The following CTNNA2 variants were observed in gnomAD, a reference collection of about 807,000 sequenced individuals.
The protein encoded by CTNNA2 is catenin alpha 2, also known as catenin alpha-2.
A neutral mutation model predicts 101.0 loss-of-function variants in CTNNA2; 42 were observed. The ratio of observed to expected loss-of-function variants is 0.42; its 90% CI spans 0.32 to 0.54. The LOEUF is 0.54. CTNNA2 is among the 20% of genes least tolerant of loss of function. The pLI is 0.14. For synonymous variants in CTNNA2, 450 were observed against 456.4 expected, an observed-to-expected ratio of 0.99 and a Z score of 0.18; for missense variants, 871 against 1,223.1, an observed-to-expected ratio of 0.71 and a Z score of 4.29.
At chr2:79,394,403 T>C (rs1310489956) in intron 4 of CTNNA2, among the ~76,000 whole-genome samples, 1 of 152,194 alleles carries the variant, frequency 6.6e-6, no homozygotes, top group Non-Finnish European at 1.5e-5. Context: ...AAATCAAGCC[T>C]GTTTCACTAA....
At chr2:79,185,999 T>G (rs1453004115) in intron 1 of CTNNA2, among the ~76,000 whole-genome samples, 3 of 152,198 alleles carry the variant, frequency 2.0e-5, no homozygotes, top group African/African-American at 7.2e-5. Context: ...TAAAAGTGCC[T>G]GCCAGTTATG....
chr2:80,130,978 GAGA>G (rs1019481074), intron 7 of CTNNA2, among the ~76,000 whole-genome samples: 18 of 150,896 alleles, frequency 1.2e-4, no homozygotes, highest in South Asian at 8.4e-4. Context: ...AAAAAAAAAA[GAGA>G]AGAATTGATA....
chr2:80,036,842 TGTGTGTGAGAGAGA>T (rs1394299960), intron 7 of CTNNA2, among the ~76,000 whole-genome samples: 1,197 of 79,776 alleles, frequency 0.015, 15 homozygotes, highest in African/African-American at 0.044. Context: ...TGTGTGTGTG[TGTGTGTGAGAGAGA>T]GAGAGAGAGA....
intron 2 of CTNNA2, among the ~76,000 whole-genome samples, chr2:79,282,008 T>A (rs1242776506): frequency 6.6e-6 from 1 of 152,164 alleles, no homozygotes; most frequent in Non-Finnish European, 1.5e-5. Context: ...AATAAAAGTA[T>A]GAATAATAAC....
intron 12 of CTNNA2, among the ~76,000 whole-genome samples, chr2:80,558,622 T>C (rs762935742): frequency 2.0e-5 from 3 of 152,162 alleles, no homozygotes; most frequent in Non-Finnish European, 2.9e-5. Flanking sequence ...TTTTGCTTAG[T>C]TTTGTTTCTG....
At chr2:80,604,247 T>A in intron 16 of CTNNA2, 68 bp downstream of exon 16, 1 of 1,185,024 alleles carries the variant, frequency 8.4e-7, no homozygotes. Flanking sequence ...GTTTTGTAAC[T>A]AGTTTTATGC....
At chr2:80,603,817 A>C in intron 15 of CTNNA2, 1 of 412,758 alleles carries the variant, frequency 2.4e-6, no homozygotes, top group Non-Finnish European at 4.4e-6. Context: ...GATCTTTTAT[A>C]ACTGGCCATT....
At chr2:79,578,142 C>G (rs1463040470) in intron 1 of CTNNA2, among the ~76,000 whole-genome samples, 4 of 152,156 alleles carry the variant, frequency 2.6e-5, no homozygotes, top group Admixed American at 1.3e-4. Flanking sequence ...CAACATCTAA[C>G]TGGCTCTGTA....
chr2:80,611,771 T>G (rs1338454795), intron 17 of CTNNA2, among the ~76,000 whole-genome samples: 2 of 151,590 alleles, frequency 1.3e-5, no homozygotes, highest in African/African-American at 2.4e-5. Context: ...ATATCAAACA[T>G]TCTGATAAAC....
At chr2:79,867,321 G>T (rs116160764) in intron 4 of CTNNA2, among the ~76,000 whole-genome samples, 1 of 139,416 alleles carries the variant, frequency 7.2e-6, no homozygotes, top group Non-Finnish European at 1.5e-5. Flanking sequence ...CTTTTTCTAC[G>T]TCCCTTCAAT....
At chr2:79,314,985 C>G (rs540050298) in intron 3 of CTNNA2, among the ~76,000 whole-genome samples, 1 of 152,078 alleles carries the variant, frequency 6.6e-6, no homozygotes, top group Admixed American at 6.5e-5. Flanking sequence ...TGAATTAGGG[C>G]TTTTGCTTCT....
chr2:79,433,739 A>G (rs2104512194), intron 4 of CTNNA2, among the ~76,000 whole-genome samples: 1 of 152,268 alleles, frequency 6.6e-6, no homozygotes, highest in Admixed American at 6.5e-5. Flanking sequence ...AAACAAACAC[A>G]AAAATTTAGA....
intron 7 of CTNNA2, among the ~76,000 whole-genome samples, chr2:80,123,038 C>T (rs1701929710): frequency 6.6e-6 from 1 of 152,122 alleles, no homozygotes. Flanking sequence ...GGTGTGGGTC[C>T]CACCACCTCC....
At chr2:79,765,578 A>G (rs1242471676) in intron 3 of CTNNA2, among the ~76,000 whole-genome samples, 1 of 152,186 alleles carries the variant, frequency 6.6e-6, no homozygotes. Flanking sequence ...CTGCCCTTCC[A>G]GAAAGATCTA....
intron 3 of CTNNA2, among the ~76,000 whole-genome samples, chr2:79,801,319 G>C (rs916300944): frequency 2.0e-5 from 3 of 152,106 alleles, no homozygotes; most frequent in African/African-American, 7.2e-5. Context: ...CTTTTGCCAC[G>C]AGCTTTTGGA....
At chr2:79,398,417 C>T (rs1377890337) in intron 4 of CTNNA2, among the ~76,000 whole-genome samples, 1 of 152,040 alleles carries the variant, frequency 6.6e-6, no homozygotes, top group Admixed American at 6.6e-5. Flanking sequence ...GTAACTCATG[C>T]CTATAGTCTA....
Position 79,433,752 on chromosome 2 carries a change from T to C in CTNNA2, c.-135+59739T>C, listed in dbSNP as rs764125409. ...GAAAACAAACACAAAAATTTAGAAA[T>C]ACATCTACAAGAGACAACGGGAAAG... On this transcript the variant is annotated intron_variant, in intron 4 of 21. Transcript: ENST00000466387. Among the ~76,000 whole-genome samples, 93 of 148,276 alleles carry C rather than the reference T, an allele frequency of 6.3e-4. 2 individuals are homozygous for C. The highest frequency in any genetic ancestry group is 1.9e-4 in the Non-Finnish European group (13 of 67,160).
intron 7 of CTNNA2, among the ~76,000 whole-genome samples, chr2:80,178,608 C>T (rs552959265): frequency 6.6e-6 from 1 of 152,314 alleles, no homozygotes; most frequent in East Asian, 1.9e-4. Context: ...TGTTGCAGAG[C>T]CTTCTCCTGT....
intron 8 of CTNNA2, among the ~76,000 whole-genome samples, chr2:80,410,660 G>A (rs1220553382): frequency 6.6e-6 from 1 of 152,168 alleles, no homozygotes; most frequent in Non-Finnish European, 1.5e-5. Context: ...CATTCTAGTA[G>A]TCAATTTACA....
Sources: allele counts gnomAD v4.1 joint callset (sites outside exome capture counted in the v4.1 genomes callset), GRCh38; gene constraint gnomAD v4.1.1; transcripts MANE v1.5; gene names NCBI Gene and HGNC (gene_info 2026-07-23, HGNC 2026-07-21).